NUBPL: variants seen among roughly 807,000 people sequenced by gnomAD.
NUBPL encodes the protein NUBP iron-sulfur cluster assembly factor, mitochondrial.
A neutral mutation model predicts 45.7 loss-of-function variants in NUBPL; 31 were observed. The observed-to-expected ratio is 0.68, with a 90% CI of 0.51 to 0.92. The LOEUF (loss-of-function observed/expected upper bound fraction) is 0.92. Ranked by LOEUF, NUBPL falls within the 40% of genes least tolerant of loss-of-function variation. The pLI, the probability that NUBPL is intolerant of heterozygous loss-of-function variation, is 0.00. For missense variants in NUBPL, 401 were observed against 398.7 expected (o/e 1.01, Z -0.05); for synonymous variants, 144 against 140.9 (o/e 1.02, Z -0.15).
At chr14:31,699,680 T>G (rs1187376483) in intron 6 of NUBPL, among the ~76,000 whole-genome samples, 23 of 152,226 alleles carry the variant, frequency 1.5e-4, no homozygotes, top group Admixed American at 1.5e-3. Flanking sequence ...GTTTCCCAAG[T>G]TCTCATTCAG....
At chr14:31,566,349 A>T (rs868009831) in intron 3 of NUBPL, among the ~76,000 whole-genome samples, 23 of 152,296 alleles carry the variant, frequency 1.5e-4, no homozygotes, top group African/African-American at 5.3e-4. Flanking sequence ...TCACCATAGA[A>T]ACAGGTAGCA....
intron 6 of NUBPL, among the ~76,000 whole-genome samples, chr14:31,701,297 T>G (rs1432362942): frequency 6.6e-6 from 1 of 152,148 alleles, no homozygotes; most frequent in African/African-American, 2.4e-5. Flanking sequence ...GCTAGAGAAT[T>G]GTAAATGCAC....
intron 4 of NUBPL, among the ~76,000 whole-genome samples, chr14:31,659,635 G>C (rs1177959128): frequency 6.6e-6 from 1 of 152,174 alleles, no homozygotes; most frequent in African/African-American, 2.4e-5. Context: ...TGTACTCAGT[G>C]AATTAGCCCC....
intron 6 of NUBPL, among the ~76,000 whole-genome samples, chr14:31,696,487 C>T (rs1311998893): frequency 2.0e-5 from 3 of 152,090 alleles, no homozygotes; most frequent in African/African-American, 4.8e-5. Context: ...TTCCTTAGAA[C>T]TTTTCAATAT....
chr14:31,613,280 CG>C (rs1331487394), intron 4 of NUBPL, among the ~76,000 whole-genome samples: 3 of 152,010 alleles, frequency 2.0e-5, no homozygotes, highest in Admixed American at 6.6e-5. Context: ...GTAGAAGGAT[CG>C]TTACCAGAGG....
At position 31,819,870 on chromosome 14, in the gene NUBPL, G is replaced by A. The variant is rs1318804712; in HGVS notation, c.608-6759G>A. 2.6e-5 allele frequency among the ~76,000 whole-genome samples: 4 copies of A among 152,196 alleles called. No individual in the cohort carries two copies. The South Asian group carries it at 6.2e-4, about 24-fold the overall frequency. ...GACAGAGAATTCTTGGCCAGGCGTG[G>A]TGGCTCACACCTGTTATCCCAGCAC... On this transcript the variant is annotated intron_variant, in intron 7 of 10. Transcript: ENST00000281081.
chr14:31,592,136 A>G (rs910152553), intron 3 of NUBPL, among the ~76,000 whole-genome samples: 6 of 152,330 alleles, frequency 3.9e-5, no homozygotes, highest in South Asian at 2.1e-4. Context: ...CTGTGTGACT[A>G]TCTGAGGGAA....
chr14:31,677,442 A>G (rs761791044), intron 6 of NUBPL, among the ~76,000 whole-genome samples: 1 of 151,968 alleles, frequency 6.6e-6, no homozygotes, highest in East Asian at 1.9e-4. Flanking sequence ...TGTGATGTTT[A>G]TCTTTCTATG....
intron 6 of NUBPL, among the ~76,000 whole-genome samples, chr14:31,732,953 C>G (rs1018170177): frequency 6.6e-6 from 1 of 152,028 alleles, no homozygotes. Context: ...CCTAAGACAA[C>G]TTTGCCTATC....
intron 6 of NUBPL, among the ~76,000 whole-genome samples, chr14:31,756,180 C>T (rs925585499): frequency 4.7e-4 from 71 of 151,930 alleles, no homozygotes; most frequent in African/African-American, 7.7e-4. Context: ...CTTGGTGATG[C>T]GGGCTCTTTT....
chr14:31,624,318 A>G (rs969829838), intron 4 of NUBPL, among the ~76,000 whole-genome samples: 8 of 152,202 alleles, frequency 5.3e-5, no homozygotes, highest in African/African-American at 1.9e-4. Flanking sequence ...CATTTAAGAA[A>G]TGTATTCTTA....
rs142559303 is a variant in NUBPL, at chr14:31,679,424, G to A, written c.513+5850G>A. Among the ~76,000 whole-genome samples, 301 of 152,096 alleles carry A rather than the reference G, an allele frequency of 2.0e-3. 1 individual carries two copies. The highest frequency in any genetic ancestry group is 6.7e-3 in the African/African-American group (277 of 41,474). ...TCTCAAAGCTTTATAGTTCTGTCTTGTACATCTTGAATTAATTTTTATGTG... is the reference window on the plus strand; with the variant it reads ...TCTCAAAGCTTTATAGTTCTGTCTTATACATCTTGAATTAATTTTTATGTG... On this transcript the variant is annotated intron_variant, in intron 6 of 10. Transcript: ENST00000281081.
chr14:31,696,472 C>A (rs1595507348), intron 6 of NUBPL, among the ~76,000 whole-genome samples: 1 of 152,114 alleles, frequency 6.6e-6, no homozygotes, highest in South Asian at 2.1e-4. Flanking sequence ...CGTTACATGG[C>A]CTTCTTCCTT....
intron 7 of NUBPL, among the ~76,000 whole-genome samples, chr14:31,811,963 C>T (rs2039814411): frequency 6.6e-6 from 1 of 152,182 alleles, no homozygotes; most frequent in Non-Finnish European, 1.5e-5. Flanking sequence ...TGCAGAACAG[C>T]AAATATTGCA....
chr14:31,609,015 G>A (rs1317963092), intron 4 of NUBPL, among the ~76,000 whole-genome samples: 6 of 152,134 alleles, frequency 3.9e-5, no homozygotes, highest in African/African-American at 1.4e-4. Flanking sequence ...AGGAAAGAAG[G>A]AAGGAAGAGA....
At chr14:31,672,839 T>C (rs2036603523) in intron 4 of NUBPL, among the ~76,000 whole-genome samples, 3 of 152,232 alleles carry the variant, frequency 2.0e-5, no homozygotes, top group South Asian at 4.1e-4. Flanking sequence ...GGAAATAGTA[T>C]GCTTGGTATA....
chr14:31,635,190 C>A (rs568435096), intron 4 of NUBPL, among the ~76,000 whole-genome samples: 1 of 151,604 alleles, frequency 6.6e-6, no homozygotes, highest in Admixed American at 6.6e-5. Context: ...ATGGTAATGC[C>A]TAGGTTTTCT....
rs577527024 is a variant in NUBPL at position 31,629,487 on chromosome 14, A to G, written c.382+30108A>G. On this transcript the variant is annotated intron_variant, in intron 4 of 10. Transcript: ENST00000281081. ...TTGTAAAACTTCTATTTTTACAAAA[A>G]TGTACCAAGTGATAATTAACTAAGA... 2.6e-5 allele frequency among the ~76,000 whole-genome samples: 4 copies of G among 152,326 alleles called. No individual in the cohort carries two copies. The East Asian group carries it at 7.7e-4, about 29-fold the overall frequency.
chr14:31,804,534 C>T (rs1246451739), intron 7 of NUBPL, among the ~76,000 whole-genome samples: 1 of 152,090 alleles, frequency 6.6e-6, no homozygotes, highest in Non-Finnish European at 1.5e-5. Context: ...TAGGAAGTTT[C>T]TGAGATAGTT....
Sources: gnomAD v4.1 joint callset for allele counts (sites outside exome capture counted in the v4.1 genomes callset) on GRCh38, gnomAD v4.1.1 for gene constraint, MANE v1.5 for transcripts, NCBI Gene and HGNC (gene_info 2026-07-23, HGNC 2026-07-21) for gene names.